The following ZMIZ2 variants were observed in gnomAD, a reference collection of about 807,000 sequenced individuals.
ZMIZ2 encodes the protein zinc finger MIZ-type containing 2.
ZMIZ2 carries 26 observed loss-of-function variants against 93.9 expected under a neutral mutation model. The ratio of observed to expected loss-of-function variants is 0.28; its 90% CI spans 0.20 to 0.38. The LOEUF (loss-of-function observed/expected upper bound fraction) is 0.38. ZMIZ2 is among the 10% of genes least tolerant of loss of function. ZMIZ2 has a pLI of 1.00. For synonymous variants in ZMIZ2, 485 were observed against 516.4 expected (o/e 0.94, Z 0.82); for missense variants, 1,023 against 1,235.0 (o/e 0.83, Z 2.57).
Position 44,766,193 on chromosome 7 carries a change from C to T in ZMIZ2, c.2272C>T (p.Pro758Ser), listed in dbSNP as rs774185542. The T allele has an allele frequency of 3.1e-6, 5 of 1,612,520 alleles. No homozygotes were observed. The South Asian group carries it at 4.4e-5, about 14-fold the overall frequency. Residue 758 changes from proline (P) to serine (S), a missense_variant, in exon 17 of 19, where the codon CCT becomes TCT. This residue lies in a region of ZMIZ2 where 319 missense variants were observed against 358.8 expected (regional missense o/e 0.89). Transcript: ENST00000309315. This position sits in a 1 kb window ranked among gnomAD's most constrained non-coding sequence, Gnocchi z 4.4. ...CAGCTTCCTGGGGCCTGGAACTTTCCCTGAGTCCTTCCCACCCACCACGCC... is the reference window on the plus strand; with the variant it reads ...CAGCTTCCTGGGGCCTGGAACTTTCTCTGAGTCCTTCCCACCCACCACGCC... Reference protein sequence around the residue: ...GSSFLGPGTFPESFPPTTPST... With the variant: ...GSSFLGPGTFSESFPPTTPST...
Position 44,758,098 on chromosome 7 carries a change from C to A in ZMIZ2, c.803C>A (p.Thr268Asn). Residue 268 changes from threonine (T) to asparagine (N), a missense_variant, in exon 6 of 19, where the codon ACC becomes AAC. Thr to Asn is a moderately conservative substitution (Grantham distance 65, BLOSUM62 0). Transcript: ENST00000309315. ...QPLPRQGVKR[T>N]YSEVYPGQQY... The stretch of plus-strand genomic sequence containing the variant: ...CTGCCCCGACAGGGGGTCAAGAGAA[C>A]CTACTCTGAGGTGAGTGTCCAGGTC... The A allele has an allele frequency of 1.3e-6, 2 of 1,572,282 alleles. No individual in the cohort carries two copies. The highest frequency in any genetic ancestry group is 8.6e-7 in the Non-Finnish European group (1 of 1,161,612).
At chr7:44,754,831 G>A (rs554288313) in intron 1 of ZMIZ2, among the ~76,000 whole-genome samples, 1 of 152,330 alleles carries the variant, frequency 6.6e-6, no homozygotes, top group Non-Finnish European at 1.5e-5. Flanking sequence ...GGGGACTCCT[G>A]AGAAACAGCT....
chr7:44,759,359 C>T lies in ZMIZ2; in HGVS notation c.892C>T (p.Pro298Ser). The T allele has an allele frequency of 6.2e-7, 1 of 1,604,212 alleles. No homozygotes were observed. The highest frequency in any genetic ancestry group is 1.7e-5 in the Admixed American group (1 of 58,858). ...TAQFAPSPGQ[P>S]PAPSPSYPGH... ...CCAGTTTGCGCCCAGCCCTGGGCAG[C>T]CCCCTGCCCCCTCCCCTTCCTACCC... is the stretch of plus-strand genomic sequence containing the variant. Residue 298 changes from proline to serine, a missense_variant, in exon 7 of 19, where the codon CCC becomes TCC. By Grantham distance (74) the Pro-to-Ser change is moderately conservative. Coordinates refer to ENST00000309315, the MANE Select transcript of ZMIZ2 (RefSeq NM_031449.4).
Position 44,763,052 on chromosome 7 carries a change from A to G in ZMIZ2, c.1702+66A>G, listed in dbSNP as rs907539521. The G allele has an allele frequency of 3.9e-5, 60 of 1,521,488 alleles. No individual in the cohort carries two copies. The highest frequency in any genetic ancestry group is 1.7e-4 in the Middle Eastern group (1 of 5,768). The allele number at this position is 1,521,488 out of a possible 1,614,324, so 94.2% of individuals were successfully genotyped here. ...CATTCTGTGTGGCCCAAGCCCAACA[A>G]TCCTCCTTGTGGGCACCTCCTCGTG... On this transcript the variant is annotated intron_variant, in intron 12 of 18. Transcript: ENST00000309315. This position sits in a 1 kb window ranked among gnomAD's most constrained non-coding sequence, Gnocchi z 5.6.
chr7:44,761,349 C>T lies in ZMIZ2; in HGVS notation c.1241-100C>T, dbSNP rs73692198. 5,069 of 1,527,008 alleles carry T rather than the reference C, an allele frequency of 3.3e-3. 152 individuals are homozygous for T. In the African/African-American group the frequency reaches 0.061, roughly 18 times the overall value. The allele number at this position is 1,527,008 out of a possible 1,614,324, so 94.6% of individuals were successfully genotyped here. A position where few individuals can be genotyped will look rare whatever the true frequency, so the allele number is the denominator to read the frequency against. ...AGGAGGGGCTCCCTTCACCAAGGTC[C>T]CTGCGGGGAAGGTGGCTGGGGAGCC... On this transcript the variant is annotated intron_variant, in intron 9 of 18. Transcript: ENST00000309315. The surrounding 1 kb of genome is among the most constrained non-coding windows in gnomAD (Gnocchi z 5.8).
intron 18 of ZMIZ2, among the ~76,000 whole-genome samples, chr7:44,767,253 C>T (rs920550470): frequency 3.3e-5 from 5 of 152,162 alleles, no homozygotes; most frequent in African/African-American, 9.7e-5. Flanking sequence ...CCTCACATCC[C>T]GTTTCCTGGT....
chr7:44,763,029 T>C lies in ZMIZ2; in HGVS notation c.1702+43T>C. 1 of 1,573,372 alleles carries C rather than the reference T, an allele frequency of 6.4e-7. No homozygotes were observed. The highest frequency in any genetic ancestry group is 8.7e-7 in the Non-Finnish European group (1 of 1,151,784). On this transcript the variant is annotated intron_variant, in intron 12 of 18. Coordinates refer to ENST00000309315, the MANE Select transcript of ZMIZ2 (RefSeq NM_031449.4). The surrounding 1 kb of genome is among the most constrained non-coding windows in gnomAD (Gnocchi z 5.6). ...CTCAGCTGCCAGGCAGCCATCCCCATTCTGTGTGGCCCAAGCCCAACAATC... is the reference window on the plus strand; with the variant it reads ...CTCAGCTGCCAGGCAGCCATCCCCACTCTGTGTGGCCCAAGCCCAACAATC...
intron 14 of ZMIZ2, 106 bp downstream of exon 14, chr7:44,764,592 G>C: frequency 7.7e-7 from 1 of 1,297,354 alleles, no homozygotes; most frequent in Non-Finnish European, 1.1e-6. Flanking sequence ...CTGCTGGGAG[G>C]AGTCACTGCA....
intron 9 of ZMIZ2, 136 bp downstream of exon 9, chr7:44,760,729 G>A (rs1468349103): frequency 1.7e-6 from 2 of 1,147,226 alleles, no homozygotes; most frequent in East Asian, 2.4e-5. Context: ...AGGGCTGGGT[G>A]TGGTGGCTCA....
chr7:44,757,772 T>TGGGC, intron 5 of ZMIZ2, 76 bp from the exon 6 acceptor site: 3 of 655,218 alleles, frequency 4.6e-6, no homozygotes, highest in Non-Finnish European at 5.6e-6. Flanking sequence ...CATGGGTGGG[T>TGGGC]GGGCGGGTTT....
chr7:44,763,527 G>C lies in ZMIZ2; in HGVS notation c.1860+114G>C. 6.9e-7 allele frequency: 1 copy of C among 1,449,982 alleles called. No individual in the cohort carries two copies. Among genetic ancestry groups the C allele is most frequent in the Non-Finnish European group, 9.3e-7 (1 of 1,074,160 alleles). The allele number at this position is 1,449,982 out of a possible 1,614,324, so 89.8% of individuals were successfully genotyped here. ...GAACTCCGAGTGCCTTGGCTGTCAG[G>C]CTGACAGGACAGGCCTCCCACGCCA... On this transcript the variant is annotated intron_variant, in intron 13 of 18. Coordinates refer to ENST00000309315, the MANE Select transcript of ZMIZ2 (RefSeq NM_031449.4). This position sits in a 1 kb window ranked among gnomAD's most constrained non-coding sequence, Gnocchi z 5.6.
At position 44,751,710 on chromosome 7, in the gene ZMIZ2, CT is replaced by C. The variant is rs1468267715; in HGVS notation, c.-63+2722del. ...GTGGTGCTCACCTCTAATCCCAGCA[CT>C]TTGGGAGGCCGAGGTGGGTGGATCA... On this transcript the variant is annotated intron_variant, in intron 1 of 18. Coordinates refer to ENST00000309315, the MANE Select transcript of ZMIZ2 (RefSeq NM_031449.4). Among the ~76,000 whole-genome samples, 6 of 152,320 alleles carry C rather than the reference CT, an allele frequency of 3.9e-5. No individual in the cohort carries two copies. In the East Asian group the frequency reaches 1.2e-3, roughly 29 times the overall value.
intron 1 of ZMIZ2, among the ~76,000 whole-genome samples, chr7:44,753,737 A>G (rs1790354197): frequency 6.6e-6 from 1 of 152,314 alleles, no homozygotes; most frequent in East Asian, 1.9e-4. Context: ...CAGGTCTAAG[A>G]GCTCTTTGGC....
Position 44,763,285 on chromosome 7 carries a change from C to A in ZMIZ2, c.1732C>A (p.Pro578Thr). Reference protein sequence around the residue: ...IKRNFSSGTIPGTPGPNGEDG... With the variant: ...IKRNFSSGTITGTPGPNGEDG... ...GCGGAACTTCAGCAGCGGCACCATCCCTGGCACCCCTGGGCCCAACGGAGA... is the reference window on the plus strand; with the variant it reads ...GCGGAACTTCAGCAGCGGCACCATCACTGGCACCCCTGGGCCCAACGGAGA... The change falls in exon 13 of 19, where the codon CCT (proline) becomes ACT (threonine). Residue 578 changes from proline (P) to threonine (T), a missense_variant. By Grantham distance (38) the Pro-to-Thr change is conservative. This residue lies in a region of ZMIZ2 where 48 missense variants were observed against 99.1 expected (regional missense o/e 0.48). Coordinates refer to ENST00000309315, the MANE Select transcript of ZMIZ2 (RefSeq NM_031449.4). The surrounding 1 kb of genome is among the most constrained non-coding windows in gnomAD (Gnocchi z 5.6). The A allele has an allele frequency of 6.2e-7, 1 of 1,614,010 alleles. No individual in the cohort carries two copies. The highest frequency in any genetic ancestry group is 8.5e-7 in the Non-Finnish European group (1 of 1,179,982).
chr7:44,763,301 C>T lies in ZMIZ2; in HGVS notation c.1748C>T (p.Pro583Leu), dbSNP rs777482058. The T allele has an allele frequency of 6.2e-7, 1 of 1,614,080 alleles. No individual in the cohort carries two copies. The highest frequency in any genetic ancestry group is 1.1e-5 in the South Asian group (1 of 91,076). ...SSGTIPGTPG[P>L]NGEDGVEQTA... ...GGCACCATCCCTGGCACCCCTGGGC[C>T]CAACGGAGAGGACGGGGTGGAGCAG... Residue 583 changes from proline to leucine, a missense_variant, in exon 13 of 19, where the codon CCC (proline) becomes CTC (leucine). By Grantham distance (98) the Pro-to-Leu change is moderately conservative (BLOSUM62 -3). Around this residue, in one of 3 missense-constraint regions of ZMIZ2, gnomAD observed 48 missense variants for 99.1 expected, o/e 0.48. Coordinates refer to ENST00000309315, the MANE Select transcript of ZMIZ2 (RefSeq NM_031449.4). The surrounding 1 kb of genome is among the most constrained non-coding windows in gnomAD (Gnocchi z 5.6).
In ZMIZ2 at chr7:44,756,829, T is replaced by TC. The variant is rs367773882; in HGVS notation, c.166-111dup. 4.4e-5 allele frequency: 55 copies of TC among 1,260,830 alleles called. No individual in the cohort carries two copies. The East Asian group carries it at 9.5e-4, about 22-fold the overall frequency. The allele number at this position is 1,260,830 out of a possible 1,614,324, so 78.1% of individuals were successfully genotyped here. On this transcript the variant is annotated intron_variant, in intron 3 of 18. Transcript: ENST00000309315. ...TCCCTGCTTCCCGTGCTATACCCTG[T>TC]CCCCCCCACCTCTCCCCCAACCCAC...
Position 44,766,240 on chromosome 7 carries a change from G to A in ZMIZ2, c.2319G>A (p.Glu773=), listed in dbSNP as rs780635429. The change falls in exon 17 of 19, where the codon GAG becomes GAA. Residue 773 remains glutamate (E), a synonymous_variant. Transcript: ENST00000309315. The surrounding 1 kb of genome is among the most constrained non-coding windows in gnomAD (Gnocchi z 4.4). ...PTTPSTPTLA[E]FTPGPPPISY... ...CGCCCAGCACCCCAACCCTTGCTGA[G>A]TTCACCCCGGGACCACCCCCCATCT... 12 of 1,604,248 alleles carry A rather than the reference G, an allele frequency of 7.5e-6. No individual in the cohort carries two copies. The highest frequency in any genetic ancestry group is 1.1e-5 in the South Asian group (1 of 89,772).
At chr7:44,748,767 G>C (rs1789849259), upstream of ZMIZ2, 1 of 151,552 alleles carries the variant, frequency 6.6e-6, no homozygotes, top group African/African-American at 2.4e-5. Flanking sequence ...CGCCGGCTCG[G>C]GGCTCTGCTG....
At chr7:44,751,506 G>A (rs1167012471) in intron 1 of ZMIZ2, among the ~76,000 whole-genome samples, 1 of 152,176 alleles carries the variant, frequency 6.6e-6, no homozygotes, top group Admixed American at 6.5e-5. Context: ...CGGGGGAGGG[G>A]GCACATCTGC....
Sources: gnomAD v4.1 joint callset for allele counts (sites outside exome capture counted in the v4.1 genomes callset) on GRCh38, gnomAD v4.1.1 for gene constraint, gnomAD v4.1.1 regional missense constraint, Gnocchi (gnomAD v3.1) non-coding constraint, MANE v1.5 for transcripts, NCBI Gene and HGNC (gene_info 2026-07-23, HGNC 2026-07-21) for gene names.